Variants in PTK2B observed in about 807,000 individuals in gnomAD.
PTK2B encodes protein-tyrosine kinase 2-beta.
PTK2B carries 71 observed loss-of-function variants against 142.9 expected under a neutral mutation model. That is an observed-to-expected ratio of 0.50 (90% CI 0.41 to 0.61). The LOEUF (loss-of-function observed/expected upper bound fraction) is 0.61. PTK2B is among the 20% of genes least tolerant of loss of function. The pLI is 0.00. For missense variants in PTK2B, 1,105 were observed against 1,320.4 expected (o/e 0.84, Z 2.53); for synonymous variants, 519 against 503.4 (o/e 1.03, Z -0.42).
chr8:27,341,230 A>G (rs1345649906), intron 1 of PTK2B, among the ~76,000 whole-genome samples: 1 of 152,006 alleles, frequency 6.6e-6, no homozygotes, highest in Non-Finnish European at 1.5e-5. Context: ...AGATAAAATT[A>G]TTTTTCACAA....
chr8:27,372,194 A>G (rs1806400383), intron 1 of PTK2B, among the ~76,000 whole-genome samples: 1 of 152,232 alleles, frequency 6.6e-6, no homozygotes. Context: ...TTCTTCCTCA[A>G]AGGCGTAACT....
intron 4 of PTK2B, 120 bp from the exon 5 acceptor site, chr8:27,422,184 G>A (rs1410967726): frequency 1.1e-6 from 1 of 879,610 alleles, no homozygotes; most frequent in Non-Finnish European, 1.7e-6. Flanking sequence ...GCTTGTTTGT[G>A]GTGGGGTGGG....
At chr8:27,387,693 C>T (rs1807456490) in intron 1 of PTK2B, among the ~76,000 whole-genome samples, 1 of 152,168 alleles carries the variant, frequency 6.6e-6, no homozygotes. Context: ...AATCCCAACA[C>T]TACATTAACT....
chr8:27,458,495 C>G lies in PTK2B; in HGVS notation c.3016C>G (p.Pro1006Ala). Reference sequence around the variant, plus strand: ...CAAGGTTCTGGCCAATCTGGCCCACCCACCTGCAGAGTGACGGAGGGTGGG... The same window carrying G: ...CAAGGTTCTGGCCAATCTGGCCCACGCACCTGCAGAGTGACGGAGGGTGGG... ...QAKVLANLAH[P>A]PAE The change falls in exon 31 of 31, where the codon CCA becomes GCA. Residue 1006 changes from proline (P) to alanine (A), a missense_variant. Transcript: ENST00000346049. The G allele has an allele frequency of 6.3e-7, 1 of 1,576,770 alleles. No homozygotes were observed. The highest frequency in any genetic ancestry group is 1.2e-5 in the South Asian group (1 of 86,708).
At chr8:27,454,489 A>G (rs1812023132) in intron 29 of PTK2B, 42 bp from the exon 30 acceptor site, 7 of 1,600,684 alleles carry the variant, frequency 4.4e-6, no homozygotes, top group African/African-American at 2.7e-5. Flanking sequence ...GCTCTCTCCA[A>G]TAGCTAGGAG....
chr8:27,452,738 G>A, intron 27 of PTK2B: 1 of 248,152 alleles, frequency 4.0e-6, no homozygotes, highest in East Asian at 8.1e-5. Flanking sequence ...GTCTCCCCAG[G>A]TCAGGGGCAC....
upstream of PTK2B, chr8:27,310,668 TG>T: frequency 9.7e-7 from 1 of 1,029,276 alleles, no homozygotes; most frequent in Non-Finnish European, 1.4e-6. Flanking sequence ...GTCGGAGAGG[TG>T]GGGTCCTGCA....
chr8:27,325,662 T>C lies in PTK2B; in HGVS notation c.-57T>C, dbSNP rs1397405237. The C allele has an allele frequency of 6.6e-6, 1 of 152,310 alleles. No individual in the cohort carries two copies. Among genetic ancestry groups the C allele is most frequent in the African/African-American group, 2.4e-5 (1 of 41,460 alleles). 9.4% of individuals were successfully genotyped at this position (152,310 alleles called of 1,614,324 possible). A position where few individuals can be genotyped will look rare whatever the true frequency, so the allele number is the denominator to read the frequency against. Reference sequence around the variant, plus strand: ...CTGGCGGTGCCCGAGGAGTAGTCGCTGGAGTCCGCGCCTCCCTGGGTGAGT... The same window carrying C: ...CTGGCGGTGCCCGAGGAGTAGTCGCCGGAGTCCGCGCCTCCCTGGGTGAGT... On this transcript the variant is annotated 5_prime_UTR_variant, in exon 1 of 31. Transcript: ENST00000346049.
rs1017741281 is a variant in PTK2B at position 27,363,289 on chromosome 8, G to A, written c.-37-34259G>A. 6.6e-6 allele frequency among the ~76,000 whole-genome samples: 1 copy of A among 152,200 alleles called. No homozygotes were observed. Among genetic ancestry groups the A allele is most frequent in the African/African-American group, 2.4e-5 (1 of 41,446 alleles). ...GTTTGGAGGAACTGAGGCAGGTCCA[G>A]GGAAGGCCTGGGAGAGCAGAGGAGC... is the stretch of plus-strand genomic sequence containing the variant. On this transcript the variant is annotated intron_variant, in intron 1 of 30. Transcript: ENST00000346049. The surrounding 1 kb of genome is among the most constrained non-coding windows in gnomAD (Gnocchi z 4.3).
At chr8:27,357,946 T>A (rs532600822) in intron 1 of PTK2B, among the ~76,000 whole-genome samples, 3 of 152,240 alleles carry the variant, frequency 2.0e-5, no homozygotes, top group East Asian at 3.9e-4. Flanking sequence ...CTCTGAAAAG[T>A]CACTTAATAT....
intron 1 of PTK2B, among the ~76,000 whole-genome samples, chr8:27,352,381 G>A (rs542529198): frequency 6.6e-6 from 1 of 152,274 alleles, no homozygotes; most frequent in East Asian, 1.9e-4. Context: ...AAAAACAAAA[G>A]CAAAAGACAG....
intron 8 of PTK2B, 55 bp downstream of exon 8, chr8:27,431,071 A>G: frequency 6.3e-7 from 1 of 1,577,470 alleles, no homozygotes; most frequent in Non-Finnish European, 8.6e-7. Flanking sequence ...GCCTCTCGGA[A>G]AAGGGGGCCA....
At chr8:27,323,435 C>T (rs1803267840), upstream of PTK2B, 1 of 152,356 alleles carries the variant, frequency 6.6e-6, no homozygotes, top group Non-Finnish European at 1.5e-5. Flanking sequence ...AGGTATGCAT[C>T]CCCCCAACAC....
At chr8:27,436,455 G>T (rs1810782760) in intron 15 of PTK2B, 107 bp downstream of exon 15, 6 of 1,003,672 alleles carry the variant, frequency 6.0e-6, no homozygotes, top group South Asian at 4.2e-5. Flanking sequence ...TCCACTTGGG[G>T]CCCCTTGTCC....
intron 24 of PTK2B, among the ~76,000 whole-genome samples, chr8:27,449,541 A>G (rs1811678922): frequency 6.6e-6 from 1 of 152,234 alleles, no homozygotes; most frequent in Non-Finnish European, 1.5e-5. Flanking sequence ...CTGTATGCAA[A>G]TGGCCACTTC....
At chr8:27,324,553 G>A (rs1803309134), upstream of PTK2B, among the ~76,000 whole-genome samples, 1 of 152,228 alleles carries the variant, frequency 6.6e-6, no homozygotes, top group East Asian at 1.9e-4. Flanking sequence ...AAATGGGAAG[G>A]AGTCAGTGCA....
intron 14 of PTK2B, 74 bp from the exon 15 acceptor site, chr8:27,436,177 C>G: frequency 7.0e-7 from 1 of 1,426,158 alleles, no homozygotes; most frequent in Non-Finnish European, 9.8e-7. Context: ...GGCTTTAGAG[C>G]CTGCAGACAC....
At chr8:27,449,804 T>G (rs1418172385) in intron 24 of PTK2B, among the ~76,000 whole-genome samples, 1 of 152,256 alleles carries the variant, frequency 6.6e-6, no homozygotes, top group Admixed American at 6.5e-5. Context: ...ACTTTCTGTT[T>G]AGGAACTAGC....
rs1218242902 is a variant in PTK2B at position 27,430,739 on chromosome 8, T to C, written c.670-137T>C. The C allele has an allele frequency of 3.9e-6, 5 of 1,285,850 alleles. No homozygotes were observed. In the African/African-American group the frequency reaches 4.5e-5, roughly 11 times the overall value. 79.7% of individuals were successfully genotyped at this position (1,285,850 alleles called of 1,614,324 possible). A position where few individuals can be genotyped will look rare whatever the true frequency, so the allele number is the denominator to read the frequency against. ...GACAATGGGTATGGGTTTTAGGTCATAGATCACAGCTGCTTTTGGGGCAAA... is the reference window on the plus strand; with the variant it reads ...GACAATGGGTATGGGTTTTAGGTCACAGATCACAGCTGCTTTTGGGGCAAA... On this transcript the variant is annotated intron_variant, in intron 7 of 30. Transcript: ENST00000346049.
Sources: allele counts gnomAD v4.1 joint callset (sites outside exome capture counted in the v4.1 genomes callset), GRCh38; gene constraint gnomAD v4.1.1; non-coding constraint Gnocchi (gnomAD v3.1); transcripts MANE v1.5; gene names NCBI Gene and HGNC (gene_info 2026-07-23, HGNC 2026-07-21).